The following CALN1 variants were observed in gnomAD, a reference collection of about 807,000 sequenced individuals.
The protein encoded by CALN1 is calcium-binding protein 8.
CALN1 carries 17 observed loss-of-function variants against 30.6 expected under a neutral mutation model. That is an observed-to-expected ratio of 0.56 (90% CI 0.38 to 0.83). CALN1 has a LOEUF of 0.83. CALN1 is among the 40% of genes least tolerant of loss of function. The pLI is 0.00. For synonymous variants in CALN1, 156 were observed against 131.4 expected (o/e 1.19, Z -1.28); for missense variants, 291 against 354.9 (o/e 0.82, Z 1.45).
intron 2 of CALN1, among the ~76,000 whole-genome samples, chr7:72,309,648 G>A (rs1190758287): frequency 6.6e-6 from 1 of 152,052 alleles, no homozygotes; most frequent in Non-Finnish European, 1.5e-5. Flanking sequence ...GGAAGGGCAG[G>A]GAGAGGCAAA....
intron 4 of CALN1, among the ~76,000 whole-genome samples, chr7:72,088,762 G>A (rs1300359457): frequency 5.5e-5 from 8 of 144,620 alleles, no homozygotes; most frequent in Non-Finnish European, 1.2e-4. Context: ...AGGAAGAGAA[G>A]GAAGAGAAGT....
In CALN1 at chr7:72,344,153, G is replaced by A. The variant is rs113223466; in HGVS notation, c.119+59098C>T. 9.0e-3 allele frequency among the ~76,000 whole-genome samples: 1,373 copies of A among 152,040 alleles called. 20 individuals are homozygous for A. The highest frequency in any genetic ancestry group is 0.031 in the African/African-American group (1,290 of 41,462). ...AGACAGGGAGAAAAAGAGAGGTTCC[G>A]GGCCTGTCTGCAGCTACTCAAGCCC... is the stretch of plus-strand genomic sequence containing the variant. On this transcript the variant is annotated intron_variant, in intron 2 of 6. Transcript: ENST00000395275.
chr7:72,348,352 G>A (rs1189228203), intron 2 of CALN1, among the ~76,000 whole-genome samples: 2 of 152,192 alleles, frequency 1.3e-5, no homozygotes, highest in Non-Finnish European at 2.9e-5. Context: ...CTGTATCGCT[G>A]CAGAGGAAAA....
intron 5 of CALN1, among the ~76,000 whole-genome samples, chr7:71,850,182 G>T (rs1201989160): frequency 6.6e-6 from 1 of 152,078 alleles, no homozygotes; most frequent in Non-Finnish European, 1.5e-5. Flanking sequence ...TATATCAAGA[G>T]ATCTGAGTGC....
chr7:72,457,004 CTT>C, the CALN1 span, among the ~76,000 whole-genome samples: 8,001 of 106,326 alleles, frequency 0.075, 170 homozygotes, highest in African/African-American at 0.15. Flanking sequence ...TTCTTTCTTT[CTT>C]TTTTTTTTTT....
At chr7:71,843,139 T>C (rs1790030326) in intron 5 of CALN1, among the ~76,000 whole-genome samples, 1 of 152,196 alleles carries the variant, frequency 6.6e-6, no homozygotes, top group Non-Finnish European at 1.5e-5. Context: ...TCCACCATAA[T>C]TTCTACATCT....
chr7:72,249,024 CAT>C (rs1298652759), intron 3 of CALN1, among the ~76,000 whole-genome samples: 2 of 152,128 alleles, frequency 1.3e-5, no homozygotes, highest in African/African-American at 4.8e-5. Context: ...TAAAAAATCA[CAT>C]AAGCAGTGAT....
chr7:71,791,070 A>G (rs1176457610), intron 6 of CALN1, among the ~76,000 whole-genome samples: 1 of 152,164 alleles, frequency 6.6e-6, no homozygotes, highest in African/African-American at 2.4e-5. Context: ...TGGTATTAAT[A>G]CCAGGTAAGA....
At chr7:72,436,310 C>T (rs758481505) in intron 1 of CALN1, among the ~76,000 whole-genome samples, 18 of 152,134 alleles carry the variant, frequency 1.2e-4, no homozygotes, top group Non-Finnish European at 2.4e-4. Flanking sequence ...CTAAGTTTCA[C>T]GAGGTCAGAT....
At chr7:71,957,740 G>A (rs1455616533) in intron 5 of CALN1, among the ~76,000 whole-genome samples, 2 of 152,088 alleles carry the variant, frequency 1.3e-5, no homozygotes, top group African/African-American at 2.4e-5. Flanking sequence ...AATTTAGGCT[G>A]GGTGCTGTGG....
rs1803289094 is a variant in CALN1 at position 72,357,245 on chromosome 7, T to C, written c.119+46006A>G. Among the ~76,000 whole-genome samples the C allele has an allele frequency of 3.9e-5, 6 of 151,920 alleles. No individual in the cohort carries two copies. In the South Asian group the frequency reaches 1.2e-3, roughly 31 times the overall value. Reference sequence around the variant, plus strand: ...GTGCTTCGGAACCAACGCAGTGCTGTGGGCCCAAGAGCCTTGCTAACACAA... The same window carrying C: ...GTGCTTCGGAACCAACGCAGTGCTGCGGGCCCAAGAGCCTTGCTAACACAA... On this transcript the variant is annotated intron_variant, in intron 2 of 6. Transcript: ENST00000395275.
rs991138856 is a variant in CALN1, at chr7:72,392,513, A to G, written c.119+10738T>C. 2.0e-5 allele frequency among the ~76,000 whole-genome samples: 3 copies of G among 152,206 alleles called. No individual in the cohort carries two copies. The South Asian group carries it at 6.2e-4, about 32-fold the overall frequency. On this transcript the variant is annotated intron_variant, in intron 2 of 6. Transcript: ENST00000395275. The stretch of plus-strand genomic sequence containing the variant: ...CATAGTGAAACAGGACTGAAGGTCA[A>G]CTTGTGTCTCTCCAGTTCCCTTTGC...
chr7:72,302,747 TAGTC>T (rs1317359374), intron 2 of CALN1, among the ~76,000 whole-genome samples: 3 of 151,092 alleles, frequency 2.0e-5, no homozygotes, highest in African/African-American at 7.3e-5. Flanking sequence ...TACAAAAAAT[TAGTC>T]AGGTGTGATG....
At chr7:71,847,813 G>A (rs1790393833) in intron 5 of CALN1, among the ~76,000 whole-genome samples, 1 of 96,296 alleles carries the variant, frequency 1.0e-5, no homozygotes, top group South Asian at 4.9e-4. Context: ...AAAAGAAGGA[G>A]AAGGAGAAGG....
chr7:72,054,104 C>T (rs1301494428), intron 4 of CALN1, among the ~76,000 whole-genome samples: 4 of 151,988 alleles, frequency 2.6e-5, no homozygotes, highest in Non-Finnish European at 5.9e-5. Context: ...GCTATAAACA[C>T]GCATGTGCAA....
At chr7:72,288,014 G>C (rs1041063864) in intron 2 of CALN1, among the ~76,000 whole-genome samples, 1 of 151,806 alleles carries the variant, frequency 6.6e-6, no homozygotes, top group Non-Finnish European at 1.5e-5. Flanking sequence ...AATTACCCCT[G>C]AACTTTGTGG....
At chr7:71,897,998 AGAGAGG>A (rs1793632685) in intron 5 of CALN1, among the ~76,000 whole-genome samples, 1 of 83,182 alleles carries the variant, frequency 1.2e-5, no homozygotes, top group Non-Finnish European at 2.2e-5. Context: ...AAAAAGAGAG[AGAGAGG>A]GAGGGAGGGG....
chr7:72,186,349 CAGAT>C (rs1317337459), intron 3 of CALN1, among the ~76,000 whole-genome samples: 4 of 141,714 alleles, frequency 2.8e-5, no homozygotes, highest in African/African-American at 1.0e-4. Flanking sequence ...TGCCCTCCCT[CAGAT>C]AGGCAAGGAG....
At chr7:71,905,706 C>T (rs1205624181) in intron 5 of CALN1, among the ~76,000 whole-genome samples, 1 of 151,988 alleles carries the variant, frequency 6.6e-6, no homozygotes, top group Non-Finnish European at 1.5e-5. Flanking sequence ...AATCCAGTCA[C>T]CAGAGGTACC....
Sources: gnomAD v4.1 joint callset for allele counts (sites outside exome capture counted in the v4.1 genomes callset) on GRCh38, gnomAD v4.1.1 for gene constraint, MANE v1.5 for transcripts, NCBI Gene and HGNC (gene_info 2026-07-23, HGNC 2026-07-21) for gene names.